Variants in SPATA32 observed in about 807,000 individuals in gnomAD.
SPATA32 encodes the protein spermatogenesis associated 32, also known as spermatogenesis-associated protein 32.
Under a neutral mutation model 35.4 loss-of-function variants are expected in SPATA32, and 28 were observed. The observed-to-expected ratio is 0.79, with a 90% CI of 0.59 to 1.09. SPATA32 has a LOEUF of 1.09. Among genes scored for constraint, SPATA32 ranks in the 50% least tolerant of loss-of-function variants. The pLI, the probability that SPATA32 is intolerant of heterozygous loss-of-function variation, is 0.00. For missense variants in SPATA32, 409 were observed against 475.9 expected (o/e 0.86, Z 1.31); for synonymous variants, 168 against 196.3 (o/e 0.86, Z 1.20).
intron 1 of SPATA32, 165 bp downstream of exon 1, chr17:45,261,838 TG>T: frequency 1.5e-6 from 1 of 677,478 alleles, no homozygotes; most frequent in Non-Finnish European, 2.1e-6. Flanking sequence ...GGGCACCGGG[TG>T]GGCTTTGGCG....
chr17:45,256,198 A>G lies in SPATA32; in HGVS notation c.109-125T>C. The G allele has an allele frequency of 7.8e-7, 1 of 1,275,902 alleles. No individual in the cohort carries two copies. Among genetic ancestry groups the G allele is most frequent in the Non-Finnish European group, 1.1e-6 (1 of 895,910 alleles). The allele number at this position is 1,275,902 out of a possible 1,614,324, so 79.0% of individuals were successfully genotyped here. A position where few individuals can be genotyped will look rare whatever the true frequency, so the allele number is the denominator to read the frequency against. Reference sequence around the variant, plus strand: ...CCTGCTGTCTTCCCCCCGCCCCCTAACCCCATGCCTGCCTCCTCTCAGAGA... The same window carrying G: ...CCTGCTGTCTTCCCCCCGCCCCCTAGCCCCATGCCTGCCTCCTCTCAGAGA... On this transcript the variant is annotated intron_variant, in intron 3 of 4. Coordinates refer to ENST00000331780, the MANE Select transcript of SPATA32 (RefSeq NM_152343.3). This position sits in a 1 kb window ranked among gnomAD's most constrained non-coding sequence, Gnocchi z 4.7.
intron 1 of SPATA32, 81 bp from the exon 2 acceptor site, chr17:45,257,288 TC>T: frequency 7.1e-7 from 1 of 1,414,000 alleles, no homozygotes; most frequent in East Asian, 2.5e-5. Flanking sequence ...AGCCCCCTTT[TC>T]CTGCCCTTCT....
rs748201212 is a variant in SPATA32, at chr17:45,258,331, GTC to G, written c.14-1126_14-1125del. ...CTATGCTTCCCTGGCTTCCTCACGT[GTC>G]TCTCTTCTCCCTCTCCAACTCCCCC... On this transcript the variant is annotated intron_variant, in intron 1 of 4. Transcript: ENST00000331780. Among the ~76,000 whole-genome samples, 4 of 152,218 alleles carry G rather than the reference GTC, an allele frequency of 2.6e-5. No individual in the cohort carries two copies. In the South Asian group the frequency reaches 8.3e-4, roughly 32 times the overall value.
In SPATA32 at chr17:45,255,290, C is replaced by T; in HGVS notation, c.892G>A (p.Glu298Lys). The T allele has an allele frequency of 6.2e-7, 1 of 1,614,196 alleles. No individual in the cohort carries two copies. The highest frequency in any genetic ancestry group is 8.5e-7 in the Non-Finnish European group (1 of 1,180,038). The change falls in exon 4 of 5, where the codon GAG (glutamate) becomes AAG (lysine). Residue 298 changes from glutamate to lysine, a missense_variant. Coordinates refer to ENST00000331780, the MANE Select transcript of SPATA32 (RefSeq NM_152343.3). The surrounding 1 kb of genome is among the most constrained non-coding windows in gnomAD (Gnocchi z 5.4). Reference protein sequence around the residue: ...EPENHAETLPEKPREARAPLK... With the variant: ...EPENHAETLPKKPREARAPLK... The stretch of plus-strand genomic sequence containing the variant: ...GGTGCTCTGGCTTCGCGTGGTTTCT[C>T]TGGCAGGGTCTCTGCGTGATTTTCT...
intron 1 of SPATA32, among the ~76,000 whole-genome samples, chr17:45,259,166 A>G (rs763346135): frequency 7.7e-4 from 117 of 152,238 alleles, no homozygotes; most frequent in Non-Finnish European, 1.5e-3. Context: ...ACTGGGGACA[A>G]TCTCCATACA....
Position 45,255,478 on chromosome 17 carries a change from G to A in SPATA32, c.704C>T (p.Pro235Leu). 1 of 1,614,154 alleles carries A rather than the reference G, an allele frequency of 6.2e-7. No homozygotes were observed. Among genetic ancestry groups the A allele is most frequent in the Non-Finnish European group, 8.5e-7 (1 of 1,180,022 alleles). The change falls in exon 4 of 5, where the codon CCC becomes CTC. Residue 235 changes from proline to leucine, a missense_variant. Pro to Leu is a moderately conservative substitution (Grantham distance 98). Transcript: ENST00000331780. This position sits in a 1 kb window ranked among gnomAD's most constrained non-coding sequence, Gnocchi z 5.4. ...GGTGATTAGCTCTGTCAGGTCAATGGGTGGCGGGAGATCTGAGGACAGGAG... is the reference window on the plus strand; with the variant it reads ...GGTGATTAGCTCTGTCAGGTCAATGAGTGGCGGGAGATCTGAGGACAGGAG... Reference protein sequence around the residue: ...SPLLSSDLPPPIDLTELITFA... With the variant: ...SPLLSSDLPPLIDLTELITFA...
Position 45,256,517 on chromosome 17 carries a change from G to A in SPATA32, c.69-102C>T, listed in dbSNP as rs570733667. On this transcript the variant is annotated intron_variant, in intron 2 of 4. Transcript: ENST00000331780. The surrounding 1 kb of genome is among the most constrained non-coding windows in gnomAD (Gnocchi z 4.7). ...AGCCCTCTGCCTTGTAACAGAAGCT[G>A]GCACGATGCACCTCCCGCCGACCAC... 498 of 1,038,614 alleles carry A rather than the reference G, an allele frequency of 4.8e-4. 2 individuals are homozygous for A. Among genetic ancestry groups the A allele is most frequent in the South Asian group, 2.5e-3 (200 of 78,762 alleles). 64.3% of individuals were successfully genotyped at this position (1,038,614 alleles called of 1,614,324 possible). A position where few individuals can be genotyped will look rare whatever the true frequency, so the allele number is the denominator to read the frequency against.
intron 1 of SPATA32, chr17:45,261,095 G>GTTT (rs386386165): frequency 0.19 from 17,041 of 92,102 alleles, 1,491 homozygotes; most frequent in African/African-American, 0.23. Context: ...CCGACCTCTG[G>GTTT]TTTTTTTTTT....
At position 45,255,617 on chromosome 17, in the gene SPATA32, T is replaced by C. The variant is rs2043948867; in HGVS notation, c.565A>G (p.Arg189Gly). 1 of 1,613,872 alleles carries C rather than the reference T, an allele frequency of 6.2e-7. No homozygotes were observed. Among genetic ancestry groups the C allele is most frequent in the South Asian group, 1.1e-5 (1 of 91,088 alleles). Residue 189 changes from arginine (R) to glycine (G), a missense_variant, in exon 4 of 5, where the codon AGA (arginine) becomes GGA (glycine). Arg to Gly is a moderately radical substitution (Grantham distance 125, BLOSUM62 -2). Transcript: ENST00000331780. This position sits in a 1 kb window ranked among gnomAD's most constrained non-coding sequence, Gnocchi z 5.4. ...LNNGSAGQPI[R>G]SPLREAIPTN... ...GGGATGGCCTCCCGGAGCGGGGATC[T>C]GATGGGCTGGCCTGCGCTGCCATTG... is the stretch of plus-strand genomic sequence containing the variant.
At chr17:45,257,297 TCTTTTCTCTCTTCCCGGCTGCTATTC>T (rs2043967340) in intron 1 of SPATA32, 90 bp from the exon 2 acceptor site, 15 of 1,360,570 alleles carry the variant, frequency 1.1e-5, no homozygotes, top group Non-Finnish European at 1.4e-5. Flanking sequence ...TTCCTGCCCT[TCTTTTCTCTCTTCCCGGCTGCTATTC>T]CCCCTCACCG....
At position 45,256,363 on chromosome 17, in the gene SPATA32, C is replaced by T. The variant is rs2043957426; in HGVS notation, c.108+13G>A. 6.2e-7 allele frequency: 1 copy of T among 1,612,530 alleles called. No individual in the cohort carries two copies. Among genetic ancestry groups the T allele is most frequent in the East Asian group, 2.2e-5 (1 of 44,868 alleles). On this transcript the variant is annotated intron_variant, in intron 3 of 4. Transcript: ENST00000331780. The surrounding 1 kb of genome is among the most constrained non-coding windows in gnomAD (Gnocchi z 4.7). ...CCTACCACCTCCCCGTAAGAGGACA[C>T]TCCCATTTTTACCTCCTGTTCCTCT...
At position 45,257,889 on chromosome 17, in the gene SPATA32, C is replaced by T. The variant is rs575782070; in HGVS notation, c.14-682G>A. Among the ~76,000 whole-genome samples the T allele has an allele frequency of 5.3e-5, 8 of 152,310 alleles. No homozygotes were observed. The East Asian group carries it at 9.6e-4, about 18-fold the overall frequency. ...GGGAGACTGACTCCTTGGGAACGTC[C>T]GCAACCCCAAACCCCTCCCTGGAGG... On this transcript the variant is annotated intron_variant, in intron 1 of 4. Coordinates refer to ENST00000331780, the MANE Select transcript of SPATA32 (RefSeq NM_152343.3).
chr17:45,262,030 C>G lies in SPATA32; in HGVS notation c.-14G>C. 7.6e-7 allele frequency: 1 copy of G among 1,311,822 alleles called. No homozygotes were observed. Among genetic ancestry groups the G allele is most frequent in the Non-Finnish European group, 9.8e-7 (1 of 1,021,574 alleles). 81.3% of individuals were successfully genotyped at this position (1,311,822 alleles called of 1,614,324 possible). On this transcript the variant is annotated 5_prime_UTR_variant, in exon 1 of 5. Transcript: ENST00000331780. ...TGTCACCCCCATGCAGACCGAGGCT[C>G]TGTCCTGGAGGCGGGGAGCGGGCTG... is the stretch of plus-strand genomic sequence containing the variant.
In SPATA32 at chr17:45,256,416, C is replaced by G; in HGVS notation, c.69-1G>C. 1 of 1,579,578 alleles carries G rather than the reference C, an allele frequency of 6.3e-7. No homozygotes were observed. The highest frequency in any genetic ancestry group is 1.1e-5 in the South Asian group (1 of 89,902). ...TATCTGGTGTTGACTTAAGTCATCT[C>G]TAAGACAGAAGAAGACAGAGTGGGT... On this transcript the variant is annotated splice_acceptor_variant, in intron 2 of 4. Coordinates refer to ENST00000331780, the MANE Select transcript of SPATA32 (RefSeq NM_152343.3). LOFTEE classifies it high-confidence loss of function. The surrounding 1 kb of genome is among the most constrained non-coding windows in gnomAD (Gnocchi z 4.7).
chr17:45,261,273 CAA>C (rs140666861), intron 1 of SPATA32, among the ~76,000 whole-genome samples: 21,851 of 152,020 alleles, frequency 0.14, 1,615 homozygotes, highest in African/African-American at 0.19. Context: ...CTGTAGAGGA[CAA>C]AGTCTCGCTA....
intron 1 of SPATA32, among the ~76,000 whole-genome samples, chr17:45,258,716 C>T (rs2043979227): frequency 6.6e-6 from 1 of 151,294 alleles, no homozygotes. Context: ...CTCACTGTAA[C>T]CTCCGCCTCC....
At position 45,255,202 on chromosome 17, in the gene SPATA32, G is replaced by A. The variant is rs149563438; in HGVS notation, c.980C>T (p.Pro327Leu). The A allele has an allele frequency of 1.2e-5, 20 of 1,614,072 alleles. No homozygotes were observed. In the African/African-American group the frequency reaches 1.3e-4, roughly 11 times the overall value. ...FAQSYFDFSK[P>L]GIKRATIKGQ... Reference sequence around the variant, plus strand: ...TTTGATGGTGGCCCTCTTGATCCCCGGCTTGCTGAAGTCAAAGTAAGATTG... The same window carrying A: ...TTTGATGGTGGCCCTCTTGATCCCCAGCTTGCTGAAGTCAAAGTAAGATTG... Residue 327 changes from proline (P) to leucine (L), a missense_variant, in exon 4 of 5, where the codon CCG (proline) becomes CTG (leucine). Pro to Leu is a moderately conservative substitution (Grantham distance 98). Coordinates refer to ENST00000331780, the MANE Select transcript of SPATA32 (RefSeq NM_152343.3). The surrounding 1 kb of genome is among the most constrained non-coding windows in gnomAD (Gnocchi z 5.4).
Position 45,254,505 on chromosome 17 carries a change from G to A in SPATA32, c.1076C>T (p.Pro359Leu), listed in dbSNP as rs550360784. The change falls in exon 5 of 5, where the codon CCG becomes CTG. Residue 359 changes from proline (P) to leucine (L), a missense_variant. By Grantham distance (98) the Pro-to-Leu change is moderately conservative. Transcript: ENST00000331780. ...LLQGSKEDSV[P>L]PGKEKENPLL... The stretch of plus-strand genomic sequence containing the variant: ...TGGATTCTCTTTCTCTTTTCCTGGC[G>A]GCACTGAGCTGCAACACAAAAGAGA... The A allele has an allele frequency of 8.5e-5, 137 of 1,614,050 alleles. No individual in the cohort carries two copies. The East Asian group carries it at 2.7e-3, about 32-fold the overall frequency.
At position 45,255,149 on chromosome 17, in the gene SPATA32, C is replaced by G; in HGVS notation, c.1033G>C (p.Ala345Pro). 1 of 1,614,222 alleles carries G rather than the reference C, an allele frequency of 6.2e-7. No homozygotes were observed. Among genetic ancestry groups the G allele is most frequent in the Non-Finnish European group, 8.5e-7 (1 of 1,180,040 alleles). Residue 345 changes from alanine to proline, a missense_variant, in exon 4 of 5, where the codon GCC (alanine) becomes CCC (proline). By Grantham distance (27) the Ala-to-Pro change is conservative. Coordinates refer to ENST00000331780, the MANE Select transcript of SPATA32 (RefSeq NM_152343.3). The surrounding 1 kb of genome is among the most constrained non-coding windows in gnomAD (Gnocchi z 5.4). ...KGQIQLLQPP[A>P]TSPLLQGSKE... ...CTTCCCTGCAGCAGAGGGGACGTGG[C>G]TGGTGGCTGGAGAAGCTGGATTTGC...
Sources: allele counts gnomAD v4.1 joint callset (sites outside exome capture counted in the v4.1 genomes callset), GRCh38; gene constraint gnomAD v4.1.1; non-coding constraint Gnocchi (gnomAD v3.1); transcripts MANE v1.5; gene names NCBI Gene and HGNC (gene_info 2026-07-23, HGNC 2026-07-21).